The following KIAA0232 variants were observed in gnomAD, a reference collection of about 807,000 sequenced individuals.
The protein encoded by KIAA0232 is KIAA0232, also known as uncharacterized protein KIAA0232.
A neutral mutation model predicts 122.0 loss-of-function variants in KIAA0232; 27 were observed. The ratio of observed to expected loss-of-function variants is 0.22; its 90% CI spans 0.16 to 0.31. The LOEUF (loss-of-function observed/expected upper bound fraction) is 0.31, where lower values mean the gene tolerates loss of function less well. Ranked by LOEUF, KIAA0232 falls within the 10% of genes least tolerant of loss-of-function variation. KIAA0232 has a pLI of 1.00. For missense variants in KIAA0232, 1,551 were observed against 1,634.2 expected, an observed-to-expected ratio of 0.95 and a Z score of 0.88; for synonymous variants, 613 against 587.6, an observed-to-expected ratio of 1.04 and a Z score of -0.63.
At chr4:6,784,634 T>A (rs1716534744) in intron 1 of KIAA0232, among the ~76,000 whole-genome samples, 1 of 152,236 alleles carries the variant, frequency 6.6e-6, no homozygotes, top group Non-Finnish European at 1.5e-5. Flanking sequence ...ATAACTCAGA[T>A]TCAATTGCTG....
chr4:6,862,334 T>C lies in KIAA0232; in HGVS notation c.1952T>C (p.Phe651Ser). Reference protein sequence around the residue: ...GSGINSCFSVFEVQCSNSVLP... With the variant: ...GSGINSCFSVSEVQCSNSVLP... ...GGTATAAACTCTTGTTTTTCAGTGTTTGAAGTGCAATGCAGTAATTCTGTT... is the reference window on the plus strand; with the variant it reads ...GGTATAAACTCTTGTTTTTCAGTGTCTGAAGTGCAATGCAGTAATTCTGTT... Residue 651 changes from phenylalanine (F) to serine (S), a missense_variant, in exon 7 of 10, where the codon TTT becomes TCT. Transcript: ENST00000307659. The C allele has an allele frequency of 6.2e-7, 1 of 1,614,182 alleles. No homozygotes were observed. Among genetic ancestry groups the C allele is most frequent in the Non-Finnish European group, 8.5e-7 (1 of 1,180,028 alleles).
intron 1 of KIAA0232, among the ~76,000 whole-genome samples, chr4:6,786,970 CAA>C (rs1475129505): frequency 6.6e-6 from 1 of 152,046 alleles, no homozygotes; most frequent in Non-Finnish European, 1.5e-5. Context: ...ATCATGAGGT[CAA>C]GAGAGTGAGA....
Position 6,883,014 on chromosome 4 carries a change from A to C in KIAA0232, c.*2048A>C, listed in dbSNP as rs913571012. On this transcript the variant is annotated 3_prime_UTR_variant, in exon 10 of 10. Transcript: ENST00000307659. ...GAAGATGCAGCACCTTCCACAGGTG[A>C]ATGGGACGGATTCGAAGTGAGCAAA... 1 of 152,396 alleles carries C rather than the reference A, an allele frequency of 6.6e-6. No individual in the cohort carries two copies. Among genetic ancestry groups the C allele is most frequent in the Non-Finnish European group, 1.5e-5 (1 of 68,046 alleles). The allele number at this position is 152,396 out of a possible 1,614,324, so 9.4% of individuals were successfully genotyped here.
At chr4:6,785,634 C>T (rs550447305) in intron 1 of KIAA0232, among the ~76,000 whole-genome samples, 1 of 152,344 alleles carries the variant, frequency 6.6e-6, no homozygotes, top group Non-Finnish European at 1.5e-5. Flanking sequence ...CTCGCCACCC[C>T]TTCCTATCCA....
intron 2 of KIAA0232, among the ~76,000 whole-genome samples, chr4:6,812,947 G>T (rs921339905): frequency 6.6e-6 from 1 of 152,240 alleles, no homozygotes; most frequent in East Asian, 1.9e-4. Context: ...ATTATTTACA[G>T]TGTATTACAA....
chr4:6,839,720 G>T (rs1256046436), intron 3 of KIAA0232, among the ~76,000 whole-genome samples: 1 of 152,172 alleles, frequency 6.6e-6, no homozygotes, highest in Non-Finnish European at 1.5e-5. Flanking sequence ...TGAAGAGACT[G>T]ATGTGCTGTG....
At chr4:6,800,090 C>T (rs1162289823) in intron 1 of KIAA0232, among the ~76,000 whole-genome samples, 2 of 92,304 alleles carry the variant, frequency 2.2e-5, no homozygotes, top group African/African-American at 8.9e-5. Flanking sequence ...TGGAGTCTCA[C>T]TCTGTCGCCC....
Position 6,862,956 on chromosome 4 carries a change from C to T in KIAA0232, c.2574C>T (p.Tyr858=). The change falls in exon 7 of 10, where the codon TAC becomes TAT. Residue 858 remains tyrosine, a synonymous_variant. Coordinates refer to ENST00000307659, the MANE Select transcript of KIAA0232 (RefSeq NM_014743.3). ...TGTTTTCGGCAGATGTAAATAACTACTGCTGCTGTCTAGATGCTGAAGCTG... is the reference window on the plus strand; with the variant it reads ...TGTTTTCGGCAGATGTAAATAACTATTGCTGCTGTCTAGATGCTGAAGCTG... ...AELFSADVNN[Y]CCCLDAEAEL... The T allele has an allele frequency of 1.9e-6, 3 of 1,614,190 alleles. No homozygotes were observed. Among genetic ancestry groups the T allele is most frequent in the South Asian group, 2.2e-5 (2 of 91,088 alleles).
At chr4:6,867,215 A>G (rs775687228) in intron 7 of KIAA0232, among the ~76,000 whole-genome samples, 2 of 152,156 alleles carry the variant, frequency 1.3e-5, no homozygotes, top group Non-Finnish European at 2.9e-5. Flanking sequence ...CTGTAGGTAG[A>G]ATGGTGGAGG....
At chr4:6,817,768 T>G (rs1718205814) in intron 2 of KIAA0232, among the ~76,000 whole-genome samples, 1 of 152,202 alleles carries the variant, frequency 6.6e-6, no homozygotes, top group African/African-American at 2.4e-5. Context: ...ACAAGGAGGT[T>G]TTGAGATCTA....
chr4:6,816,372 T>C (rs1240980365), intron 2 of KIAA0232, among the ~76,000 whole-genome samples: 1 of 150,800 alleles, frequency 6.6e-6, no homozygotes, highest in East Asian at 2.0e-4. Context: ...AAGCTCTACC[T>C]CCCGGGTTCA....
intron 4 of KIAA0232, among the ~76,000 whole-genome samples, chr4:6,843,927 CTTTTTTTTTTTTTTTTTTT>C (rs373793407): frequency 2.2e-5 from 1 of 46,360 alleles, no homozygotes; most frequent in Non-Finnish European, 4.3e-5. Context: ...AGTTACCCAT[CTTTTTTTTTTTTTTTTTTT>C]TTTTTTTTTT....
intron 4 of KIAA0232, among the ~76,000 whole-genome samples, chr4:6,844,358 C>T (rs1719841008): frequency 6.6e-6 from 1 of 152,060 alleles, no homozygotes; most frequent in African/African-American, 2.4e-5. Context: ...ACCCTTTCAT[C>T]CAATTATTTT....
chr4:6,852,213 G>A (rs565356870), intron 4 of KIAA0232, among the ~76,000 whole-genome samples: 1 of 152,130 alleles, frequency 6.6e-6, no homozygotes, highest in South Asian at 2.1e-4. Flanking sequence ...TCAAGGATAG[G>A]AATCACAGCT....
intron 4 of KIAA0232, among the ~76,000 whole-genome samples, chr4:6,850,394 C>A (rs1720211883): frequency 6.6e-6 from 1 of 152,142 alleles, no homozygotes; most frequent in Non-Finnish European, 1.5e-5. Flanking sequence ...CGTATGTTTA[C>A]TAAATACTGT....
chr4:6,844,808 A>G (rs1299299985), intron 4 of KIAA0232, among the ~76,000 whole-genome samples: 2 of 152,206 alleles, frequency 1.3e-5, no homozygotes, highest in Non-Finnish European at 2.9e-5. Context: ...ACTTATACAT[A>G]CAGCTATCTT....
chr4:6,814,272 C>T lies in KIAA0232; in HGVS notation c.-270+9666C>T, dbSNP rs569776698. Among the ~76,000 whole-genome samples the T allele has an allele frequency of 2.0e-5, 3 of 152,100 alleles. No individual in the cohort carries two copies. In the South Asian group the frequency reaches 6.3e-4, roughly 32 times the overall value. ...AACCACCTTGGGTTCTTTGCACTGTCATATTAGAACTTTGTTGTAGAGAAC... is the reference window on the plus strand; with the variant it reads ...AACCACCTTGGGTTCTTTGCACTGTTATATTAGAACTTTGTTGTAGAGAAC... On this transcript the variant is annotated intron_variant, in intron 2 of 9. Transcript: ENST00000307659.
In KIAA0232 at chr4:6,824,588, A is replaced by G; in HGVS notation, c.135A>G (p.Gln45=). The change falls in exon 3 of 10, where the codon CAA becomes CAG. Residue 45 remains glutamine (Q), a synonymous_variant. Coordinates refer to ENST00000307659, the MANE Select transcript of KIAA0232 (RefSeq NM_014743.3). The part of the protein sequence containing the change: ...ALGPVQTWLG[Q]ELEKCGIDAM... ...GTCCAGTGCAGACCTGGCTGGGACA[A>G]GAGCTCGAGAAATGTGGCATTGATG... 1.2e-6 allele frequency: 2 copies of G among 1,614,222 alleles called. No individual in the cohort carries two copies. The highest frequency in any genetic ancestry group is 1.7e-6 in the Non-Finnish European group (2 of 1,180,030).
Position 6,862,613 on chromosome 4 carries a change from A to G in KIAA0232, c.2231A>G (p.Tyr744Cys), listed in dbSNP as rs1323471334. 4.3e-6 allele frequency: 7 copies of G among 1,613,700 alleles called. No homozygotes were observed. The highest frequency in any genetic ancestry group is 2.2e-5 in the South Asian group (2 of 90,896). ...STQFNAEDIN[Y>C]VVPRVSSNYV... Reference sequence around the variant, plus strand: ...CAGTTTAATGCCGAAGATATTAATTATGTAGTTCCTAGAGTCTCGTCAAAT... The same window carrying G: ...CAGTTTAATGCCGAAGATATTAATTGTGTAGTTCCTAGAGTCTCGTCAAAT... The change falls in exon 7 of 10, where the codon TAT (tyrosine) becomes TGT (cysteine). Residue 744 changes from tyrosine to cysteine, a missense_variant. Around this residue, in one of 5 missense-constraint regions of KIAA0232, gnomAD observed 1,108 missense variants for 1,154.8 expected, o/e 0.96. Transcript: ENST00000307659.
Sources: gnomAD v4.1 joint callset for allele counts (sites outside exome capture counted in the v4.1 genomes callset) on GRCh38, gnomAD v4.1.1 for gene constraint, gnomAD v4.1.1 regional missense constraint, MANE v1.5 for transcripts, NCBI Gene and HGNC (gene_info 2026-07-23, HGNC 2026-07-21) for gene names.